ATM: variants seen among roughly 807,000 people sequenced by gnomAD.
ATM encodes ATM serine/threonine kinase, also known as serine-protein kinase ATM.
ATM carries 308 observed loss-of-function variants against 387.0 expected under a neutral mutation model. The observed-to-expected ratio is 0.80, with a 90% CI of 0.73 to 0.87. The LOEUF (loss-of-function observed/expected upper bound fraction) is 0.87. ATM is among the 40% of genes least tolerant of loss of function. ATM has a pLI of 0.00. For missense variants in ATM, 3,312 were observed against 3,560.9 expected (o/e 0.93, Z 1.78); for synonymous variants, 1,156 against 1,187.3 (o/e 0.97, Z 0.54).
At chr11:108,348,541 T>G (rs548807829) in intron 59 of ATM, among the ~76,000 whole-genome samples, 1 of 151,908 alleles carries the variant, frequency 6.6e-6, no homozygotes, top group African/African-American at 2.4e-5. Context: ...GATTTCTAGG[T>G]GGAATAGACA....
At chr11:108,336,087 A>C (rs2081812033) in intron 56 of ATM, 126 bp downstream of exon 56, 2 of 708,398 alleles carry the variant, frequency 2.8e-6, no homozygotes, top group Non-Finnish European at 5.0e-6. Flanking sequence ...GCTTGAGGCC[A>C]GGAGTTCGAG....
rs2091467360 is a variant in ATM at position 108,369,005 on chromosome 11, ATCTATT to A, written c.*3499_*3504del. The A allele has an allele frequency of 1.6e-5, 3 of 182,516 alleles. No homozygotes were observed. Among genetic ancestry groups the A allele is most frequent in the Non-Finnish European group, 3.5e-5 (3 of 85,726 alleles). The allele number at this position is 182,516 out of a possible 1,614,324, so 11.3% of individuals were successfully genotyped here. A position where few individuals can be genotyped will look rare whatever the true frequency, so the allele number is the denominator to read the frequency against. On this transcript the variant is annotated 3_prime_UTR_variant, in exon 63 of 63. Coordinates refer to ENST00000675843, the MANE Select transcript of ATM (RefSeq NM_000051.4). The stretch of plus-strand genomic sequence containing the variant: ...ATTTTAATTGCACCTTAATGAAATT[ATCTATT>A]TTCTATAGATTTTAGTACTATTGAA...
intron 57 of ATM, among the ~76,000 whole-genome samples, chr11:108,344,590 T>C (rs908225434): frequency 2.6e-5 from 4 of 152,074 alleles, no homozygotes; most frequent in African/African-American, 9.7e-5. Context: ...TTTTTGAGAA[T>C]GCAAACTGGA....
intron 1 of ATM, chr11:108,226,083 C>A (rs1460949445): frequency 1.3e-5 from 2 of 152,018 alleles, no homozygotes; most frequent in Non-Finnish European, 2.9e-5. Context: ...TAAAAAACTT[C>A]TTTGTATTAT....
At chr11:108,319,253 A>G (rs1591095141) in intron 43 of ATM, among the ~76,000 whole-genome samples, 1 of 152,218 alleles carries the variant, frequency 6.6e-6, no homozygotes, top group Non-Finnish European at 1.5e-5. Flanking sequence ...ATATATCCTC[A>G]TATTTTAAAA....
intron 25 of ATM, 139 bp from the exon 26 acceptor site, chr11:108,284,088 A>G (rs773142209): frequency 1.5e-6 from 1 of 671,472 alleles, no homozygotes; most frequent in Non-Finnish European, 2.3e-6. Flanking sequence ...CATTTATAAA[A>G]TTAAAGAATG....
At chr11:108,276,763 G>C (rs1197029590) in intron 22 of ATM, among the ~76,000 whole-genome samples, 2 of 152,164 alleles carry the variant, frequency 1.3e-5, no homozygotes, top group African/African-American at 4.8e-5. Context: ...GCACCCGCCA[G>C]ATGGCAGCGG....
chr11:108,226,466 T>G (rs1235790867), intron 1 of ATM: 1 of 152,238 alleles, frequency 6.6e-6, no homozygotes, highest in Admixed American at 6.5e-5. Context: ...TAGTAAAATA[T>G]AGTTGATCCT....
At chr11:108,233,598 C>T (rs1248135837) in intron 4 of ATM, among the ~76,000 whole-genome samples, 3 of 147,090 alleles carry the variant, frequency 2.0e-5, no homozygotes, top group East Asian at 2.0e-4. Flanking sequence ...AAAGTCTCTG[C>T]AGGCAACTTA....
At chr11:108,254,100 G>A in intron 13 of ATM, 61 bp downstream of exon 13, 1 of 1,535,768 alleles carries the variant, frequency 6.5e-7, no homozygotes, top group Non-Finnish European at 8.9e-7. Flanking sequence ...AAACTGTTAG[G>A]AAGGAGAAAT....
At chr11:108,321,523 C>G (rs2085222487) in intron 45 of ATM, 103 bp downstream of exon 45, 1 of 1,535,492 alleles carries the variant, frequency 6.5e-7, no homozygotes, top group Non-Finnish European at 8.9e-7. Flanking sequence ...TGGCTCATGC[C>G]TGTAATCCTA....
At chr11:108,360,298 T>A (rs997906633) in intron 61 of ATM, among the ~76,000 whole-genome samples, 4 of 152,074 alleles carry the variant, frequency 2.6e-5, no homozygotes, top group Non-Finnish European at 5.9e-5. Context: ...ATTGTGGCAA[T>A]AATCAATAGT....
chr11:108,271,228 C>CTTT, intron 19 of ATM, 23 bp from the exon 20 acceptor site: 5 of 1,564,964 alleles, frequency 3.2e-6, no homozygotes, highest in Admixed American at 3.5e-5. Flanking sequence ...TAAAGTTGAA[C>CTTT]TTTTTTTTTT....
At chr11:108,319,895 A>G (rs924635213) in intron 43 of ATM, 59 bp from the exon 44 acceptor site, 19 of 1,196,390 alleles carry the variant, frequency 1.6e-5, no homozygotes, top group African/African-American at 1.2e-4. Context: ...AGCTATTTAT[A>G]CATGTATATC....
intron 24 of ATM, among the ~76,000 whole-genome samples, 166 bp from the exon 25 acceptor site, chr11:108,282,544 C>A (rs192997162): frequency 2.0e-5 from 3 of 152,060 alleles, no homozygotes; most frequent in African/African-American, 7.2e-5. Flanking sequence ...GATACTGTGC[C>A]AGTTGAGTAC....
chr11:108,278,214 G>T (rs1263344634), intron 22 of ATM, among the ~76,000 whole-genome samples: 1 of 152,162 alleles, frequency 6.6e-6, no homozygotes, highest in Non-Finnish European at 1.5e-5. Context: ...TCATAAACTA[G>T]ATTTTGTGTC....
Position 108,365,467 on chromosome 11 carries a change from A to G in ATM, c.9130A>G (p.Asn3044Asp). The change falls in exon 63 of 63, where the codon AAT becomes GAT. Residue 3044 changes from asparagine to aspartate, a missense_variant. Asn to Asp is a conservative substitution (Grantham distance 23, BLOSUM62 1). Transcript: ENST00000675843. Reference sequence around the variant, plus strand: ...CATACAGCAGGCCATAGACCCCAAAAATCTCAGCCGACTTTTCCCAGGATG... The same window carrying G: ...CATACAGCAGGCCATAGACCCCAAAGATCTCAGCCGACTTTTCCCAGGATG... ...LLIQQAIDPK[N>D]LSRLFPGWKA... 1.2e-6 allele frequency: 2 copies of G among 1,614,118 alleles called. No individual in the cohort carries two copies. Among genetic ancestry groups the G allele is most frequent in the Non-Finnish European group, 1.7e-6 (2 of 1,180,012 alleles).
intron 5 of ATM, among the ~76,000 whole-genome samples, chr11:108,239,629 T>C (rs2079460761): frequency 6.6e-6 from 1 of 152,210 alleles, no homozygotes; most frequent in African/African-American, 2.4e-5. Flanking sequence ...CTGAGTTTCC[T>C]GCTTTCAGTC....
chr11:108,234,888 T>G (rs565682983), intron 4 of ATM, among the ~76,000 whole-genome samples: 3 of 152,050 alleles, frequency 2.0e-5, no homozygotes, highest in Non-Finnish European at 4.4e-5. Flanking sequence ...TAAATGCTAT[T>G]ATAGGACTTA....
Sources: allele counts gnomAD v4.1 joint callset (sites outside exome capture counted in the v4.1 genomes callset), GRCh38; gene constraint gnomAD v4.1.1; transcripts MANE v1.5; gene names NCBI Gene and HGNC (gene_info 2026-07-23, HGNC 2026-07-21).